C4orf33: variants seen among roughly 807,000 people sequenced by gnomAD.
The protein encoded by C4orf33 is UPF0462 protein C4orf33.
In C4orf33, 20 loss-of-function variants were observed where a neutral mutation model predicts 24.3. The observed-to-expected ratio is 0.82, with a 90% CI of 0.58 to 1.19. The LOEUF (loss-of-function observed/expected upper bound fraction) is 1.19, where lower values mean the gene tolerates loss of function less well. Among genes scored for constraint, C4orf33 ranks in the 50% most tolerant of loss-of-function variants. The pLI is 0.00. For synonymous variants in C4orf33, 67 were observed against 76.4 expected (o/e 0.88, Z 0.64); for missense variants, 207 against 225.9 (o/e 0.92, Z 0.54).
At position 129,115,818 on chromosome 4, in the gene C4orf33, A is replaced by ATATATAATATATATGTTTATATAT. The variant is rs1554010296; in HGVS notation, c.*4033_*4034insATATATATGTTTATATATTATATA. On this transcript the variant is annotated 3_prime_UTR_variant, in exon 6 of 6. Coordinates refer to ENST00000425929, the MANE Select transcript of C4orf33 (RefSeq NM_001099783.2). ...TCTAACTAAATATATATATATATATATATATATATATAAAATATATATGTT... is the reference window on the plus strand; with the variant it reads ...TCTAACTAAATATATATATATATATATATATAATATATATGTTTATATATTATATATATATAAAATATATATGTT... 32 of 94,840 alleles carry ATATATAATATATATGTTTATATAT rather than the reference A, an allele frequency of 3.4e-4. No individual in the cohort carries two copies. Among genetic ancestry groups the ATATATAATATATATGTTTATATAT allele is most frequent in the African/African-American group, 9.9e-4 (29 of 29,322 alleles). The allele number at this position is 94,840 out of a possible 1,614,324, so 5.9% of individuals were successfully genotyped here.
chr4:129,102,460 C>G, intron 1 of C4orf33, 142 bp from the exon 2 acceptor site: 1 of 546,286 alleles, frequency 1.8e-6, no homozygotes, highest in Non-Finnish European at 3.1e-6. Flanking sequence ...CACAAGATAG[C>G]CTTTTGACTC....
chr4:129,097,799 AT>A (rs1356693750), intron 1 of C4orf33, among the ~76,000 whole-genome samples: 1 of 152,154 alleles, frequency 6.6e-6, no homozygotes, highest in African/African-American at 2.4e-5. Flanking sequence ...GCAATAAATG[AT>A]TTTTTTCTCA....
chr4:129,111,635 C>A, intron 5 of C4orf33, 51 bp from the exon 6 acceptor site: 1 of 1,113,834 alleles, frequency 9.0e-7, no homozygotes, highest in Non-Finnish European at 1.4e-6. Context: ...ACAACTATTT[C>A]ACAAATGCAT....
At chr4:129,110,326 C>T (rs573241944) in intron 5 of C4orf33, among the ~76,000 whole-genome samples, 1 of 152,206 alleles carries the variant, frequency 6.6e-6, no homozygotes, top group African/African-American at 2.4e-5. Context: ...CATGGGGCAG[C>T]AGGCATTTGA....
rs1753764449 is a variant in C4orf33, at chr4:129,115,807, T to TATATATATATATATATA, written c.*4017_*4033dup. The TATATATATATATATATA allele has an allele frequency of 1.4e-5, 1 of 73,938 alleles. No individual in the cohort carries two copies. The allele number at this position is 73,938 out of a possible 1,614,324, so 4.6% of individuals were successfully genotyped here. A position where few individuals can be genotyped will look rare whatever the true frequency, so the allele number is the denominator to read the frequency against. On this transcript the variant is annotated 3_prime_UTR_variant, in exon 6 of 6. Transcript: ENST00000425929. ...CTAACAAATCTTCTAACTAAATATA[T>TATATATATATATATATA]ATATATATATATATATATATATAAA...
upstream of C4orf33, among the ~76,000 whole-genome samples, chr4:129,095,124 C>T (rs746325157): frequency 4.0e-5 from 6 of 151,634 alleles, no homozygotes; most frequent in African/African-American, 1.2e-4. Flanking sequence ...TTTGTTTTTG[C>T]GTTTGTGTTT....
In C4orf33 at chr4:129,106,570, ATC is replaced by A; in HGVS notation, c.182-13_182-12del. ...AATATTAAATATCTCAATATGTTAT[ATC>A]TCTGTTTTCAAAAGTTGTGGAAGCA... On this transcript the variant is annotated splice_polypyrimidine_tract_variant and intron_variant, in intron 2 of 5. Coordinates refer to ENST00000425929, the MANE Select transcript of C4orf33 (RefSeq NM_001099783.2). 2 of 1,322,094 alleles carry A rather than the reference ATC, an allele frequency of 1.5e-6. No individual in the cohort carries two copies. The highest frequency in any genetic ancestry group is 1.3e-5 in the South Asian group (1 of 77,146). 81.9% of individuals were successfully genotyped at this position (1,322,094 alleles called of 1,614,324 possible).
At chr4:129,101,891 A>G (rs1753361994) in intron 1 of C4orf33, among the ~76,000 whole-genome samples, 1 of 152,232 alleles carries the variant, frequency 6.6e-6, no homozygotes. Flanking sequence ...GTCATTTAAC[A>G]GTTAAAATAT....
At chr4:129,109,855 CTCTCTCACTA>C in intron 5 of C4orf33, 183 bp downstream of exon 5, 2 of 961,996 alleles carry the variant, frequency 2.1e-6, no homozygotes, top group Non-Finnish European at 3.0e-6. Context: ...CTGTCATAAT[CTCTCTCACTA>C]CTGTCAGTAG....
rs1014501328 is a variant in C4orf33, at chr4:129,111,067, C to T, written c.495-619C>T. 5.9e-5 allele frequency among the ~76,000 whole-genome samples: 9 copies of T among 152,270 alleles called. No homozygotes were observed. The South Asian group carries it at 6.2e-4, about 11-fold the overall frequency. On this transcript the variant is annotated intron_variant, in intron 5 of 5. Transcript: ENST00000425929. ...TGGAAGCTTATCTTAGGTGGAAGTA[C>T]GATTATACATTGGCCAGGACAGAGC... is the stretch of plus-strand genomic sequence containing the variant.
At chr4:129,104,125 C>T (rs1002847866) in intron 2 of C4orf33, among the ~76,000 whole-genome samples, 1 of 152,184 alleles carries the variant, frequency 6.6e-6, no homozygotes, top group Non-Finnish European at 1.5e-5. Flanking sequence ...ACTAACAATA[C>T]ATTAAATCAC....
chr4:129,109,162 A>T (rs1753607594), intron 3 of C4orf33, 145 bp from the exon 4 acceptor site: 4 of 858,140 alleles, frequency 4.7e-6, no homozygotes, highest in African/African-American at 3.3e-5. Flanking sequence ...GTGCTGGGTT[A>T]CAGGCGTAAG....
At chr4:129,106,435 A>G (rs987341698) in intron 2 of C4orf33, 152 bp from the exon 3 acceptor site, 4 of 462,710 alleles carry the variant, frequency 8.6e-6, no homozygotes, top group Middle Eastern at 5.8e-4. Flanking sequence ...TTCTTCTTCC[A>G]GGCAATGTCT....
Position 129,111,695 on chromosome 4 carries a change from A to G in C4orf33, c.504A>G (p.Leu168=), listed in dbSNP as rs575613226. 1.9e-6 allele frequency: 3 copies of G among 1,606,018 alleles called. No homozygotes were observed. Among genetic ancestry groups the G allele is most frequent in the Non-Finnish European group, 2.6e-6 (3 of 1,173,430 alleles). Residue 168 remains leucine, a synonymous_variant, in exon 6 of 6, where the codon CTA becomes CTG. Coordinates refer to ENST00000425929, the MANE Select transcript of C4orf33 (RefSeq NM_001099783.2). ...TTTTCTTTGCTTTTAGCCATTGCCTAGAATACTTCAAGTCTTTCAATTTTA... is the reference window on the plus strand; with the variant it reads ...TTTTCTTTGCTTTTAGCCATTGCCTGGAATACTTCAAGTCTTTCAATTTTA... ...QQGQKPDFHC[L]EYFKSFNFNT... is the part of the protein sequence containing the mutation.
At position 129,115,863 on chromosome 4, in the gene C4orf33, T is replaced by TATAG. The variant is rs1561095122; in HGVS notation, c.*4073_*4074insTAGA. ...TATGTTTATATATAACATATATATA[T>TATAG]AGAGAGAGAGCATAAAATGTGCTGT... On this transcript the variant is annotated 3_prime_UTR_variant, in exon 6 of 6. Transcript: ENST00000425929. 6.8e-6 allele frequency: 1 copy of TATAG among 146,972 alleles called. No homozygotes were observed. Among genetic ancestry groups the TATAG allele is most frequent in the East Asian group, 2.0e-4 (1 of 5,094 alleles). 9.1% of individuals were successfully genotyped at this position (146,972 alleles called of 1,614,324 possible). A position where few individuals can be genotyped will look rare whatever the true frequency, so the allele number is the denominator to read the frequency against.
intron 2 of C4orf33, 30 bp from the exon 3 acceptor site, chr4:129,106,557 C>G: frequency 1.8e-6 from 2 of 1,121,820 alleles, no homozygotes; most frequent in South Asian, 1.4e-5. Flanking sequence ...TATTAAATAT[C>G]TCAATATGTT....
Position 129,113,753 on chromosome 4 carries a change from A to G in C4orf33, c.*1962A>G, listed in dbSNP as rs1187230675. On this transcript the variant is annotated 3_prime_UTR_variant, in exon 6 of 6. Transcript: ENST00000425929. The stretch of plus-strand genomic sequence containing the variant: ...TCCAAACTACTTTTTTTAAACGTTA[A>G]AAAGGTTTTTTGCCACAGGAAAAAA... The G allele has an allele frequency of 7.3e-6, 1 of 137,044 alleles. No homozygotes were observed. Among genetic ancestry groups the G allele is most frequent in the Non-Finnish European group, 1.6e-5 (1 of 62,432 alleles). 8.5% of individuals were successfully genotyped at this position (137,044 alleles called of 1,614,324 possible). A position where few individuals can be genotyped will look rare whatever the true frequency, so the allele number is the denominator to read the frequency against.
rs1281926295 is a variant in C4orf33, at chr4:129,113,079, C to G, written c.*1288C>G. The G allele has an allele frequency of 6.6e-6, 1 of 151,852 alleles. No homozygotes were observed. 9.4% of individuals were successfully genotyped at this position (151,852 alleles called of 1,614,324 possible). A position where few individuals can be genotyped will look rare whatever the true frequency, so the allele number is the denominator to read the frequency against. On this transcript the variant is annotated 3_prime_UTR_variant, in exon 6 of 6. Coordinates refer to ENST00000425929, the MANE Select transcript of C4orf33 (RefSeq NM_001099783.2). ...TTTTAGAGCATCTTGATTTTAGAAGCGAATCGAACACTGTGAATCACAGTT... is the reference window on the plus strand; with the variant it reads ...TTTTAGAGCATCTTGATTTTAGAAGGGAATCGAACACTGTGAATCACAGTT...
intron 2 of C4orf33, among the ~76,000 whole-genome samples, chr4:129,105,229 C>G (rs760568966): frequency 6.6e-6 from 1 of 152,116 alleles, no homozygotes; most frequent in Non-Finnish European, 1.5e-5. Context: ...CAGTTCAAAT[C>G]TGAAGGCTGT....
Sources: gnomAD v4.1 joint callset for allele counts (sites outside exome capture counted in the v4.1 genomes callset) on GRCh38, gnomAD v4.1.1 for gene constraint, MANE v1.5 for transcripts, NCBI Gene and HGNC (gene_info 2026-07-23, HGNC 2026-07-21) for gene names.